The following NOX4 variants were observed in gnomAD, a reference collection of about 807,000 sequenced individuals.
NOX4 encodes the protein kidney oxidase-1.
A neutral mutation model predicts 87.6 loss-of-function variants in NOX4; 69 were observed. That is an observed-to-expected ratio of 0.79 (90% CI 0.65 to 0.96). The LOEUF (loss-of-function observed/expected upper bound fraction) is 0.96, where lower values mean the gene tolerates loss of function less well. Ranked by LOEUF, NOX4 falls within the 40% of genes least tolerant of loss-of-function variation. The pLI, the probability that NOX4 is intolerant of heterozygous loss-of-function variation, is 0.00. For missense variants in NOX4, 680 were observed against 681.5 expected (o/e 1.00, Z 0.02); for synonymous variants, 275 against 238.2 (o/e 1.15, Z -1.42).
the NOX4 span, among the ~76,000 whole-genome samples, chr11:89,531,900 A>G: frequency 1.3e-5 from 2 of 152,216 alleles, no homozygotes; most frequent in Non-Finnish European, 2.9e-5. Context: ...AACCATGGCT[A>G]AAAGGGGCCA....
chr11:89,344,598 A>T (rs1946135151), intron 13 of NOX4, among the ~76,000 whole-genome samples: 1 of 152,178 alleles, frequency 6.6e-6, no homozygotes, highest in Non-Finnish European at 1.5e-5. Context: ...TACCTCAGAA[A>T]CCTAAAATAA....
At chr11:89,477,145 T>G (rs1259085129) in intron 2 of NOX4, among the ~76,000 whole-genome samples, 1 of 152,128 alleles carries the variant, frequency 6.6e-6, no homozygotes, top group African/African-American at 2.4e-5. Context: ...TAATATATAA[T>G]GAAATAATTA....
intron 8 of NOX4, among the ~76,000 whole-genome samples, chr11:89,421,008 G>A (rs1943054571): frequency 6.6e-6 from 1 of 152,180 alleles, no homozygotes; most frequent in African/African-American, 2.4e-5. Context: ...ATGCAAGGTA[G>A]ACCATGCTTA....
the NOX4 span, among the ~76,000 whole-genome samples, chr11:89,557,655 T>C: frequency 6.6e-6 from 1 of 152,134 alleles, no homozygotes; most frequent in East Asian, 1.9e-4. Context: ...GCAGGTTTAT[T>C]GGCACATGGA....
the NOX4 span, among the ~76,000 whole-genome samples, chr11:89,565,582 T>C: frequency 6.6e-6 from 1 of 152,170 alleles, no homozygotes; most frequent in Non-Finnish European, 1.5e-5. Context: ...GGATAATATT[T>C]TAACAATTCA....
chr11:89,350,161 C>T (rs1442650224), intron 13 of NOX4, among the ~76,000 whole-genome samples: 4 of 152,070 alleles, frequency 2.6e-5, no homozygotes, highest in Admixed American at 2.6e-4. Flanking sequence ...GAATGGATGC[C>T]CTGGCTTTGG....
chr11:89,437,208 AT>A (rs371542639), intron 6 of NOX4, among the ~76,000 whole-genome samples: 188 of 152,174 alleles, frequency 1.2e-3, no homozygotes, highest in South Asian at 9.1e-3. Flanking sequence ...TAAAAAAAAA[AT>A]ACAAAAAACT....
At chr11:89,554,346 T>C in the NOX4 span, among the ~76,000 whole-genome samples, 131 of 152,248 alleles carry the variant, frequency 8.6e-4, no homozygotes, top group African/African-American at 3.1e-3. Flanking sequence ...GAGTTTTATA[T>C]TCCATCCTAG....
chr11:89,457,997 G>A (rs1025119359), intron 2 of NOX4, among the ~76,000 whole-genome samples: 1 of 152,136 alleles, frequency 6.6e-6, no homozygotes, highest in African/African-American at 2.4e-5. Context: ...GCAATTTACA[G>A]ATTCAATACC....
At chr11:89,576,342 C>CT in the NOX4 span, among the ~76,000 whole-genome samples, 27 of 152,144 alleles carry the variant, frequency 1.8e-4, no homozygotes, top group African/African-American at 6.5e-4. Flanking sequence ...ATAGCCCTCT[C>CT]TTTTTTCTGG....
At chr11:89,483,195 G>A (rs941314382) in intron 2 of NOX4, among the ~76,000 whole-genome samples, 3 of 152,066 alleles carry the variant, frequency 2.0e-5, no homozygotes, top group East Asian at 1.9e-4. Context: ...TGTCTGACAC[G>A]TCATATATAA....
chr11:89,493,163 G>A (rs954972341), upstream of NOX4, among the ~76,000 whole-genome samples: 2 of 152,040 alleles, frequency 1.3e-5, no homozygotes, highest in Non-Finnish European at 2.9e-5. Flanking sequence ...GAGGCGGGTG[G>A]ATCACGGAGT....
chr11:89,484,070 C>T (rs1459266614), intron 2 of NOX4, among the ~76,000 whole-genome samples: 2 of 152,204 alleles, frequency 1.3e-5, no homozygotes, highest in African/African-American at 4.8e-5. Flanking sequence ...CAGTGCAAAG[C>T]TCTTAGACTA....
the NOX4 span, among the ~76,000 whole-genome samples, chr11:89,570,994 T>C: frequency 6.6e-6 from 1 of 152,260 alleles, no homozygotes; most frequent in Admixed American, 6.5e-5. Context: ...AGAATATGTA[T>C]ACTTTTTAAT....
At chr11:89,369,441 T>G (rs562885406) in intron 12 of NOX4, among the ~76,000 whole-genome samples, 3 of 152,236 alleles carry the variant, frequency 2.0e-5, no homozygotes, top group African/African-American at 7.2e-5. Context: ...GGAGACTTTG[T>G]CACTTTTGCT....
chr11:89,324,837 A>G lies in NOX4; in HGVS notation c.*1919T>C, dbSNP rs1257894694. The G allele has an allele frequency of 2.6e-5, 4 of 152,136 alleles. No homozygotes were observed. The highest frequency in any genetic ancestry group is 4.8e-5 in the African/African-American group (2 of 41,418). 9.4% of individuals were successfully genotyped at this position (152,136 alleles called of 1,614,324 possible). A position where few individuals can be genotyped will look rare whatever the true frequency, so the allele number is the denominator to read the frequency against. Reference sequence around the variant, plus strand: ...TCTGCATGAGCATTCCACATTTCCTATCACTTTTTTGGGTTCATCTTCTTT... The same window carrying G: ...TCTGCATGAGCATTCCACATTTCCTGTCACTTTTTTGGGTTCATCTTCTTT... On this transcript the variant is annotated 3_prime_UTR_variant, in exon 18 of 18. Coordinates refer to ENST00000263317, the MANE Select transcript of NOX4 (RefSeq NM_016931.5).
At chr11:89,381,687 T>C (rs537536179) in intron 11 of NOX4, among the ~76,000 whole-genome samples, 94 of 120,658 alleles carry the variant, frequency 7.8e-4, no homozygotes, top group African/African-American at 2.7e-3. Context: ...GTGCTGTGAT[T>C]TGGATCGGGG....
At chr11:89,360,582 C>T (rs1591019685) in intron 12 of NOX4, among the ~76,000 whole-genome samples, 3 of 152,136 alleles carry the variant, frequency 2.0e-5, no homozygotes, top group African/African-American at 7.2e-5. Context: ...CCTTAGTCTG[C>T]CTCTATTCTT....
chr11:89,583,086 A>G, the NOX4 span, among the ~76,000 whole-genome samples: 2 of 152,196 alleles, frequency 1.3e-5, no homozygotes, highest in African/African-American at 4.8e-5. Flanking sequence ...CACTTCTTTT[A>G]TTCTTTTATA....
Sources: gnomAD v4.1 joint callset for allele counts (sites outside exome capture counted in the v4.1 genomes callset) on GRCh38, gnomAD v4.1.1 for gene constraint, MANE v1.5 for transcripts, NCBI Gene and HGNC (gene_info 2026-07-23, HGNC 2026-07-21) for gene names.